BTBD9: variants seen among roughly 807,000 people sequenced by gnomAD.
BTBD9 encodes BTB/POZ domain-containing protein 9.
A neutral mutation model predicts 64.3 loss-of-function variants in BTBD9; 49 were observed. The observed-to-expected ratio is 0.76, with a 90% CI of 0.61 to 0.97. BTBD9 has a LOEUF of 0.97. Among genes scored for constraint, BTBD9 ranks in the 50% least tolerant of loss-of-function variants. The pLI is 0.00. For missense variants in BTBD9, 598 were observed against 762.1 expected (o/e 0.78, Z 2.53); for synonymous variants, 260 against 274.7 (o/e 0.95, Z 0.53).
At chr6:38,221,245 GCCC>G (rs1375671122) in intron 9 of BTBD9, among the ~76,000 whole-genome samples, 2 of 152,110 alleles carry the variant, frequency 1.3e-5, no homozygotes, top group Non-Finnish European at 2.9e-5. Flanking sequence ...TACAGCAACT[GCCC>G]CTCTATTACT....
intron 9 of BTBD9, among the ~76,000 whole-genome samples, chr6:38,198,905 G>T (rs1368801195): frequency 6.6e-6 from 1 of 152,200 alleles, no homozygotes; most frequent in Non-Finnish European, 1.5e-5. Flanking sequence ...ACCTCAGAGA[G>T]GAAGGCACAC....
In BTBD9 at chr6:38,169,378, AT is replaced by A. The variant is rs1204675252; in HGVS notation, c.*5606del. On this transcript the variant is annotated 3_prime_UTR_variant, in exon 11 of 11. Transcript: ENST00000481247. ...CCAGGAGGCAAAGGCCCTGAGGGAGATGAGCTGGTGCCGTCCCCTCCCAATT... is the reference window on the plus strand; with the variant it reads ...CCAGGAGGCAAAGGCCCTGAGGGAGAGAGCTGGTGCCGTCCCCTCCCAATT... 1.3e-5 allele frequency: 2 copies of A among 152,324 alleles called. No homozygotes were observed. Among genetic ancestry groups the A allele is most frequent in the African/African-American group, 4.8e-5 (2 of 41,446 alleles). The allele number at this position is 152,324 out of a possible 1,614,324, so 9.4% of individuals were successfully genotyped here. A position where few individuals can be genotyped will look rare whatever the true frequency, so the allele number is the denominator to read the frequency against.
chr6:38,448,618 T>C (rs1426661219), intron 6 of BTBD9, among the ~76,000 whole-genome samples: 3 of 152,178 alleles, frequency 2.0e-5, no homozygotes, highest in African/African-American at 7.2e-5. Flanking sequence ...CTTGGGTTCA[T>C]ACAATTCTTG....
intron 7 of BTBD9, among the ~76,000 whole-genome samples, chr6:38,338,024 T>C (rs1188089737): frequency 1.3e-5 from 2 of 152,178 alleles, no homozygotes; most frequent in Non-Finnish European, 2.9e-5. Context: ...GCAGCAGTAG[T>C]AAGTGTACCG....
At chr6:38,181,843 C>G (rs1761568160) in intron 10 of BTBD9, among the ~76,000 whole-genome samples, 1 of 152,078 alleles carries the variant, frequency 6.6e-6, no homozygotes, top group South Asian at 2.1e-4. Context: ...CAAAAATTAG[C>G]CAGGTGTGGT....
intron 6 of BTBD9, among the ~76,000 whole-genome samples, chr6:38,512,095 T>TC (rs1482053107): frequency 6.6e-6 from 1 of 152,150 alleles, no homozygotes; most frequent in Non-Finnish European, 1.5e-5. Context: ...TGCCTCAGCC[T>TC]CCCCAGTAGC....
chr6:38,494,226 A>AAGCTAAT (rs2127393825), intron 6 of BTBD9, among the ~76,000 whole-genome samples: 1 of 152,366 alleles, frequency 6.6e-6, no homozygotes, highest in South Asian at 2.1e-4. Context: ...TGGTAACATT[A>AAGCTAAT]GCTCCTTTTT....
chr6:38,517,703 T>A lies in BTBD9; in HGVS notation c.1154+59897A>T, dbSNP rs879651846. Among the ~76,000 whole-genome samples, 68 of 152,172 alleles carry A rather than the reference T, an allele frequency of 4.5e-4. 3 individuals are homozygous for A. Among genetic ancestry groups the A allele is most frequent in the Non-Finnish European group, 5.9e-5 (4 of 68,028 alleles). ...CTCTTTTCCAAGGACTACTCTTAGT[T>A]CCTCCTTGCAACCCTTTCAGAAAAA... On this transcript the variant is annotated intron_variant, in intron 6 of 10. Transcript: ENST00000481247.
chr6:38,236,577 G>A (rs1346998042), intron 9 of BTBD9, among the ~76,000 whole-genome samples: 1 of 152,144 alleles, frequency 6.6e-6, no homozygotes, highest in Admixed American at 6.5e-5. Flanking sequence ...AAGTAAAAGG[G>A]TCACAAGAAC....
chr6:38,625,364 C>T (rs1156526648), intron 1 of BTBD9, among the ~76,000 whole-genome samples: 3 of 152,208 alleles, frequency 2.0e-5, no homozygotes, highest in African/African-American at 7.2e-5. Flanking sequence ...CTATAACACA[C>T]TTTAAAATCA....
In BTBD9 at chr6:38,512,697, CACTA is replaced by C. The variant is rs1159134015; in HGVS notation, c.1154+64899_1154+64902del. Among the ~76,000 whole-genome samples, 3 of 152,316 alleles carry C rather than the reference CACTA, an allele frequency of 2.0e-5. No individual in the cohort carries two copies. The East Asian group carries it at 5.8e-4, about 29-fold the overall frequency. On this transcript the variant is annotated intron_variant, in intron 6 of 10. Transcript: ENST00000481247. ...CAGCCATCACTAGTTTAATAAATTT[CACTA>C]ACTCTCTTCATTACCTTTAAGAAGT...
chr6:38,188,559 T>G (rs1040462026), intron 10 of BTBD9, among the ~76,000 whole-genome samples: 1 of 152,182 alleles, frequency 6.6e-6, no homozygotes, highest in Non-Finnish European at 1.5e-5. Context: ...CCATCGATAG[T>G]TTTTGAAGCT....
intron 1 of BTBD9, among the ~76,000 whole-genome samples, chr6:38,626,982 A>G (rs1032040853): frequency 2.0e-5 from 3 of 152,262 alleles, no homozygotes; most frequent in Non-Finnish European, 4.4e-5. Context: ...TACTTCAGTA[A>G]AGTATACATA....
chr6:38,500,946 T>C (rs1463139752), intron 6 of BTBD9, among the ~76,000 whole-genome samples: 1 of 152,344 alleles, frequency 6.6e-6, no homozygotes, highest in East Asian at 1.9e-4. Flanking sequence ...AAGCACTGGC[T>C]GAAGACCAAA....
chr6:38,207,673 C>A (rs1460506924), intron 9 of BTBD9, among the ~76,000 whole-genome samples: 1 of 150,762 alleles, frequency 6.6e-6, no homozygotes, highest in Middle Eastern at 3.2e-3. Context: ...TACACTGAGA[C>A]CTTGAAGGAA....
At position 38,263,159 on chromosome 6, in the gene BTBD9, G is replaced by A. The variant is rs545698356; in HGVS notation, c.1455-6643C>T. Among the ~76,000 whole-genome samples, 3 of 152,292 alleles carry A rather than the reference G, an allele frequency of 2.0e-5. No homozygotes were observed. In the South Asian group the frequency reaches 6.2e-4, roughly 32 times the overall value. ...ACTCCTGATCTCAAAAATGTATACA[G>A]TATATTCTTTGGTAAAGATCCTTTA... is the stretch of plus-strand genomic sequence containing the variant. On this transcript the variant is annotated intron_variant, in intron 8 of 10. Coordinates refer to ENST00000481247, the MANE Select transcript of BTBD9 (RefSeq NM_001099272.2).
intron 6 of BTBD9, among the ~76,000 whole-genome samples, chr6:38,496,655 T>TA (rs951014301): frequency 0.011 from 1,403 of 125,136 alleles, 15 homozygotes; most frequent in Non-Finnish European, 0.015. Flanking sequence ...CCCTGTCTCT[T>TA]AAAAAAAAAA....
At chr6:38,432,957 G>A (rs2127297413) in intron 6 of BTBD9, among the ~76,000 whole-genome samples, 1 of 152,090 alleles carries the variant, frequency 6.6e-6, no homozygotes, top group East Asian at 1.9e-4. Flanking sequence ...TGTGCAGCAG[G>A]TAGGAACAAC....
At chr6:38,453,994 G>A (rs1032234872) in intron 6 of BTBD9, among the ~76,000 whole-genome samples, 1 of 152,170 alleles carries the variant, frequency 6.6e-6, no homozygotes, top group African/African-American at 2.4e-5. Flanking sequence ...CCTTTTTATT[G>A]AGGGAGATAA....
Sources: allele counts gnomAD v4.1 joint callset (sites outside exome capture counted in the v4.1 genomes callset), GRCh38; gene constraint gnomAD v4.1.1; transcripts MANE v1.5; gene names NCBI Gene and HGNC (gene_info 2026-07-23, HGNC 2026-07-21).